The following IKBKG variants were observed in gnomAD, a reference collection of about 807,000 sequenced individuals.
The protein encoded by IKBKG is inhibitor of nuclear factor kappa B kinase regulatory subunit gamma, also known as NF-kappa-B essential modulator.
A neutral mutation model predicts 13.7 loss-of-function variants in IKBKG; 2 were observed. The ratio of observed to expected loss-of-function variants is 0.15; its 90% CI spans 0.06 to 0.46. IKBKG has a LOEUF of 0.46. Ranked by LOEUF, IKBKG falls within the 20% of genes least tolerant of loss-of-function variation. IKBKG has a pLI of 0.98. For synonymous variants in IKBKG, 22 were observed against 64.4 expected (o/e 0.34, Z 3.15); for missense variants, 53 against 150.3 (o/e 0.35, Z 3.39).
intron 2 of IKBKG, among the ~76,000 whole-genome samples, chrX:154,553,054 A>G (rs1389865154): frequency 1.2e-4 from 13 of 112,058 alleles, no homozygotes; most frequent in African/African-American, 3.9e-4. Context: ...AGCTGCAGGG[A>G]GGGGCGGCAT....
At chrX:154,542,520 T>C, upstream of IKBKG, 2 of 1,113,010 alleles carry the variant, frequency 1.8e-6, no homozygotes, top group Non-Finnish European at 2.4e-6. Context: ...GCCCACTTGG[T>C]AACTCTGAGG....
intron 1 of IKBKG, among the ~76,000 whole-genome samples, chrX:154,548,581 A>C (rs1385625074): frequency 8.9e-6 from 1 of 112,495 alleles, no homozygotes; most frequent in Admixed American, 9.4e-5. Context: ...TTTGTTTTTG[A>C]GAGATGGAGT....
upstream of IKBKG, chrX:154,547,040 G>C (rs946333925): frequency 7.0e-5 from 13 of 186,720 alleles, no homozygotes; most frequent in Middle Eastern, 1.8e-3. Context: ...GCTGGAGGCC[G>C]GCCCGCCGGC....
chrX:154,547,608 A>C, upstream of IKBKG: 1 of 754,200 alleles, frequency 1.3e-6, no homozygotes, highest in Non-Finnish European at 1.6e-6. Context: ...CGGATCCCAC[A>C]GCTATGACAC....
At chrX:154,542,298 C>T (rs782280334) in exon 2 of IKBKG, 13 of 1,171,362 alleles carry the variant, frequency 1.1e-5, no homozygotes, top group Non-Finnish European at 1.4e-5. Flanking sequence ...AAACTAAGGC[C>T]CAGAGAAGTG....
chrX:154,546,955 C>A, upstream of IKBKG: 4 of 377,381 alleles, frequency 1.1e-5, no homozygotes, highest in South Asian at 4.8e-4. Context: ...CGGCCACCAC[C>A]CCTCGTGCGG....
At chrX:154,546,326 G>C (rs890195733), upstream of IKBKG, 3 of 644,836 alleles carry the variant, frequency 4.7e-6, no homozygotes, top group Non-Finnish European at 7.3e-6. Flanking sequence ...TGATGGGTTA[G>C]AAACTGCTGG....
At chrX:154,543,909 C>G (rs782004365), upstream of IKBKG, among the ~76,000 whole-genome samples, 4 of 107,316 alleles carry the variant, frequency 3.7e-5, no homozygotes, top group Non-Finnish European at 7.7e-5. Flanking sequence ...ACTCTGTCAC[C>G]CAGGCTGGAA....
At chrX:154,541,888 C>T (rs1557231999) in intron 1 of IKBKG, among the ~76,000 whole-genome samples, 1 of 112,279 alleles carries the variant, frequency 8.9e-6, no homozygotes, top group Non-Finnish European at 1.9e-5. Flanking sequence ...ACGATGCCTG[C>T]TGGAGGGCCA....
rs149511938 is a variant in IKBKG at position 154,552,140 on chromosome X, C to T, written c.138C>T (p.Gly46=). 135 of 1,191,543 alleles carry T rather than the reference C, an allele frequency of 1.1e-4. No individual in the cohort carries two copies. In the African/African-American group the frequency reaches 2.0e-3, roughly 17 times the overall value. Residue 46 remains glycine (G), a synonymous_variant, in exon 2 of 10, where the codon GGC becomes GGT. Coordinates refer to ENST00000594239, the MANE Select transcript of IKBKG (RefSeq NM_001099857.5). ...PAMLHLPSEQ[G]APETLQRCLE... ...TGCTGCACCTGCCTTCAGAACAGGG[C>T]GCTCCTGAGACCCTCCAGCGCTGCC...
chrX:154,555,287 G>A (rs953260080), intron 2 of IKBKG, among the ~76,000 whole-genome samples: 3 of 111,870 alleles, frequency 2.7e-5, no homozygotes, highest in African/African-American at 9.8e-5. Flanking sequence ...GAGTCTGCAG[G>A]CGTGTTAGGA....
intron 1 of IKBKG, chrX:154,548,072 A>C: frequency 1.3e-6 from 1 of 754,679 alleles, no homozygotes; most frequent in Non-Finnish European, 1.6e-6. Context: ...AATGCCTCAC[A>C]TATAGTTTGG....
At chrX:154,550,122 A>G (rs1220780284) in intron 1 of IKBKG, among the ~76,000 whole-genome samples, 1 of 110,578 alleles carries the variant, frequency 9.0e-6, no homozygotes, top group Non-Finnish European at 1.9e-5. Context: ...ACTCTGAAAA[A>G]CAACCACAAT....
chrX:154,546,847 G>T (rs782539588), upstream of IKBKG: 2 of 1,134,129 alleles, frequency 1.8e-6, no homozygotes, highest in Non-Finnish European at 2.3e-6. Flanking sequence ...GACCGTTTCC[G>T]GGGGCTGAGC....
chrX:154,555,375 C>T (rs904997862), intron 2 of IKBKG, among the ~76,000 whole-genome samples: 1 of 111,775 alleles, frequency 8.9e-6, no homozygotes, highest in African/African-American at 3.3e-5. Flanking sequence ...ACACCTCAGA[C>T]TGACCAGAAT....
At chrX:154,547,534 C>G, upstream of IKBKG, 1 of 754,967 alleles carries the variant, frequency 1.3e-6, no homozygotes. Flanking sequence ...TGCGGCCCTA[C>G]CGCGGCCTCA....
At chrX:154,544,947 G>A (rs1448772004), upstream of IKBKG, among the ~76,000 whole-genome samples, 1 of 112,431 alleles carries the variant, frequency 8.9e-6, no homozygotes, top group Non-Finnish European at 1.9e-5. Flanking sequence ...CCTGCTCAAG[G>A]TTACAAGGTA....
chrX:154,542,110 G>C, intron 1 of IKBKG: 2 of 417,699 alleles, frequency 4.8e-6, no homozygotes, highest in Non-Finnish European at 8.2e-6. Context: ...GGGCTTTGGG[G>C]GAGTGCCAAC....
chrX:154,544,697 G>A (rs1302313720), upstream of IKBKG, among the ~76,000 whole-genome samples: 2 of 112,020 alleles, frequency 1.8e-5, no homozygotes, highest in East Asian at 2.8e-4. Flanking sequence ...CAGGCTTATG[G>A]GGAGTCAGAG....
Sources: gnomAD v4.1 joint callset for allele counts (sites outside exome capture counted in the v4.1 genomes callset) on GRCh38, gnomAD v4.1.1 for gene constraint, MANE v1.5 for transcripts, NCBI Gene and HGNC (gene_info 2026-07-23, HGNC 2026-07-21) for gene names.